The following GLDC variants were observed in gnomAD, a reference collection of about 807,000 sequenced individuals.
The protein encoded by GLDC is glycine decarboxylase.
Under a neutral mutation model 121.3 loss-of-function variants are expected in GLDC, and 104 were observed. The ratio of observed to expected loss-of-function variants is 0.86; its 90% CI spans 0.73 to 1.01. The LOEUF (loss-of-function observed/expected upper bound fraction) is 1.01, where lower values mean the gene tolerates loss of function less well. Ranked by LOEUF, GLDC falls within the 50% of genes least tolerant of loss-of-function variation. GLDC has a pLI of 0.00. For missense variants in GLDC, 1,429 were observed against 1,306.6 expected, an observed-to-expected ratio of 1.09 and a Z score of -1.44; for synonymous variants, 546 against 480.6, an observed-to-expected ratio of 1.14 and a Z score of -1.78.
At chr9:6,609,981 C>A (rs554337952) in intron 4 of GLDC, among the ~76,000 whole-genome samples, 6 of 152,304 alleles carry the variant, frequency 3.9e-5, no homozygotes, top group Non-Finnish European at 8.8e-5. Context: ...TCCCCAACCC[C>A]AACCAAAATC....
intron 11 of GLDC, among the ~76,000 whole-genome samples, chr9:6,591,326 T>A (rs1187214715): frequency 6.6e-6 from 1 of 152,214 alleles, no homozygotes; most frequent in Non-Finnish European, 1.5e-5. Flanking sequence ...GAGCTCATCC[T>A]GTGAGCTCCC....
intron 2 of GLDC, among the ~76,000 whole-genome samples, chr9:6,636,402 G>A (rs889651201): frequency 6.6e-6 from 1 of 152,146 alleles, no homozygotes; most frequent in African/African-American, 2.4e-5. Flanking sequence ...GAGACTCTAC[G>A]CTTGTGTGGA....
chr9:6,614,679 G>A (rs1003613048), intron 3 of GLDC, among the ~76,000 whole-genome samples: 2 of 151,794 alleles, frequency 1.3e-5, no homozygotes, highest in African/African-American at 2.4e-5. Flanking sequence ...GTGAGCCACT[G>A]TGCCAAGCCT....
At chr9:6,558,957 A>T (rs900739684) in intron 16 of GLDC, among the ~76,000 whole-genome samples, 1 of 152,240 alleles carries the variant, frequency 6.6e-6, no homozygotes, top group African/African-American at 2.4e-5. Flanking sequence ...CAATAAAAAT[A>T]GGCCTGGACT....
chr9:6,545,067 C>A (rs1165230509), intron 21 of GLDC, among the ~76,000 whole-genome samples: 1 of 151,202 alleles, frequency 6.6e-6, no homozygotes, highest in South Asian at 2.1e-4. Flanking sequence ...CCATTGCAAT[C>A]CAGTCTGGGT....
intron 14 of GLDC, among the ~76,000 whole-genome samples, chr9:6,587,615 T>C (rs1057282517): frequency 1.3e-5 from 2 of 152,318 alleles, no homozygotes; most frequent in Admixed American, 6.5e-5. Context: ...TAAACTCTTA[T>C]ATAGCAATAG....
chr9:6,566,418 C>T (rs1033699234), intron 15 of GLDC: 1 of 152,072 alleles, frequency 6.6e-6, no homozygotes, highest in African/African-American at 2.4e-5. Context: ...TCTATAATTT[C>T]TTAGTATTAC....
At chr9:6,644,113 T>C (rs577099468) in intron 2 of GLDC, among the ~76,000 whole-genome samples, 1 of 147,822 alleles carries the variant, frequency 6.8e-6, no homozygotes, top group African/African-American at 2.5e-5. Context: ...TGTCTTTCAG[T>C]TGGTAAATAA....
intron 3 of GLDC, among the ~76,000 whole-genome samples, chr9:6,610,775 T>C (rs7020909): frequency 0.26 from 40,150 of 151,996 alleles, 5,992 homozygotes; most frequent in Non-Finnish European, 0.33. Flanking sequence ...AATTTTTGTA[T>C]TCTTTGTACA....
rs540315265 is a variant in GLDC, at chr9:6,605,131, C to G, written c.861G>C (p.Gly287=). 7.4e-6 allele frequency: 12 copies of G among 1,612,256 alleles called. No individual in the cohort carries two copies. In the Admixed American group the frequency reaches 1.5e-4, roughly 20 times the overall value. Residue 287 remains glycine, a splice_region_variant and synonymous_variant, in exon 6 of 25, where the codon GGG becomes GGC. Coordinates refer to ENST00000321612, the MANE Select transcript of GLDC (RefSeq NM_000170.3). The part of the protein sequence containing the change: ...TELVERAHQS[G]SLACCATDLL... ...CCCCCCACAAGAAAGGTATACCTAC[C>G]CCACTCTGATGAGCTCTCTCCACGA... is the stretch of plus-strand genomic sequence containing the variant.
In GLDC at chr9:6,556,185, C is replaced by T; in HGVS notation, c.2170G>A (p.Val724Ile). The T allele has an allele frequency of 6.2e-7, 1 of 1,613,524 alleles. No individual in the cohort carries two copies. Among genetic ancestry groups the T allele is most frequent in the Non-Finnish European group, 8.5e-7 (1 of 1,179,640 alleles). ...CDLIHQHGGQ[V>I]YLDGANMNAQ... Reference sequence around the variant, plus strand: ...TTCATATTTGCCCCGTCTAGGTAGACCTGTCCTCCATGTTGATGGATGAGG... The same window carrying T: ...TTCATATTTGCCCCGTCTAGGTAGATCTGTCCTCCATGTTGATGGATGAGG... The change falls in exon 18 of 25, where the codon GTC becomes ATC. Residue 724 changes from valine (V) to isoleucine (I), a missense_variant. By Grantham distance (29) the Val-to-Ile change is conservative (BLOSUM62 3). Coordinates refer to ENST00000321612, the MANE Select transcript of GLDC (RefSeq NM_000170.3).
In GLDC at chr9:6,644,669, C is replaced by G; in HGVS notation, c.279G>C (p.Lys93Asn). 1.2e-6 allele frequency: 2 copies of G among 1,613,254 alleles called. No homozygotes were observed. The highest frequency in any genetic ancestry group is 1.7e-6 in the Non-Finnish European group (2 of 1,179,246). The change falls in exon 2 of 25, where the codon AAG (lysine) becomes AAC (asparagine). Residue 93 changes from lysine (K) to asparagine (N), a missense_variant. By Grantham distance (94) the Lys-to-Asn change is moderately conservative. Coordinates refer to ENST00000321612, the MANE Select transcript of GLDC (RefSeq NM_000170.3). ...TCAAACGGATGTTGGCAGGGACCGT[C>G]TTCTCGATCAATTCATCAATGCTCT... ...GLASIDELIE[K>N]TVPANIRLKR...
chr9:6,622,478 G>A (rs1488387159), intron 2 of GLDC, among the ~76,000 whole-genome samples: 5 of 151,934 alleles, frequency 3.3e-5, no homozygotes, highest in East Asian at 3.9e-4. Flanking sequence ...TCCTAACCGC[G>A]AGTGATCCGC....
intron 15 of GLDC, chr9:6,569,103 T>C (rs1817904678): frequency 6.6e-6 from 1 of 152,008 alleles, no homozygotes; most frequent in African/African-American, 2.4e-5. Context: ...GTGATGACTA[T>C]AACCCAGGCC....
At chr9:6,567,542 C>G (rs1330122291) in intron 15 of GLDC, 1 of 152,256 alleles carries the variant, frequency 6.6e-6, no homozygotes, top group African/African-American at 2.4e-5. Flanking sequence ...CTCTGCAAAG[C>G]CTTCCCTAAA....
intron 1 of GLDC, 39 bp downstream of exon 1, chr9:6,645,205 GC>G: frequency 6.5e-7 from 1 of 1,543,746 alleles, no homozygotes; most frequent in African/African-American, 1.4e-5. Flanking sequence ...CCCGGGCAGG[GC>G]GGAGGGGAGG....
chr9:6,537,728 C>G (rs1563828138), intron 22 of GLDC, among the ~76,000 whole-genome samples: 1 of 152,040 alleles, frequency 6.6e-6, no homozygotes. Flanking sequence ...TGCAGTAAGT[C>G]AAGATCACAA....
At chr9:6,642,300 T>A (rs976475440) in intron 2 of GLDC, among the ~76,000 whole-genome samples, 9 of 151,976 alleles carry the variant, frequency 5.9e-5, no homozygotes, top group Admixed American at 5.9e-4. Flanking sequence ...GAGGCCAAGG[T>A]GGGTGGATCA....
At chr9:6,550,677 A>C in intron 21 of GLDC, 126 bp downstream of exon 21, 3 of 752,340 alleles carry the variant, frequency 4.0e-6, no homozygotes, top group Non-Finnish European at 2.5e-6. Flanking sequence ...CAAGAACTCT[A>C]CACTATTTTC....
Sources: allele counts gnomAD v4.1 joint callset (sites outside exome capture counted in the v4.1 genomes callset), GRCh38; gene constraint gnomAD v4.1.1; transcripts MANE v1.5; gene names NCBI Gene and HGNC (gene_info 2026-07-23, HGNC 2026-07-21).